Variants in PHLPP2 observed in about 807,000 individuals in gnomAD.
PHLPP2 encodes PH domain and leucine rich repeat protein phosphatase 2, also known as PH domain leucine-rich repeat-containing protein phosphatase 2.
Under a neutral mutation model 124.9 loss-of-function variants are expected in PHLPP2, and 66 were observed. That is an observed-to-expected ratio of 0.53 (90% CI 0.43 to 0.65). The LOEUF is 0.65. Among genes scored for constraint, PHLPP2 ranks in the 30% least tolerant of loss-of-function variants. PHLPP2 has a pLI of 0.00. For missense variants in PHLPP2, 1,685 were observed against 1,600.4 expected (o/e 1.05, Z -0.90); for synonymous variants, 681 against 624.7 (o/e 1.09, Z -1.34).
chr16:71,681,917 CAA>C lies in PHLPP2; in HGVS notation c.736-14_736-13del. 3 of 1,585,226 alleles carry C rather than the reference CAA, an allele frequency of 1.9e-6. No homozygotes were observed. The highest frequency in any genetic ancestry group is 2.3e-5 in the East Asian group (1 of 43,270). On this transcript the variant is annotated splice_polypyrimidine_tract_variant and intron_variant, in intron 5 of 18. Coordinates refer to ENST00000568954, the MANE Select transcript of PHLPP2 (RefSeq NM_015020.3). ...CGCTGGGACACCACCTGAATAATGT[CAA>C]AGAGAAGAGCCTTCTGAGCTAGTAC...
chr16:71,697,330 C>A (rs781593426), intron 3 of PHLPP2, among the ~76,000 whole-genome samples: 4 of 152,106 alleles, frequency 2.6e-5, no homozygotes, highest in Admixed American at 2.0e-4. Flanking sequence ...GAAGCACACA[C>A]TGGGGGTTTT....
intron 2 of PHLPP2, 139 bp downstream of exon 2, chr16:71,714,373 A>G: frequency 1.7e-6 from 2 of 1,152,082 alleles, no homozygotes; most frequent in Non-Finnish European, 2.3e-6. Flanking sequence ...TCAGCCTTCC[A>G]AGGACAAATC....
intron 1 of PHLPP2, chr16:71,715,188 C>T (rs2045353861): frequency 5.4e-6 from 1 of 185,014 alleles, no homozygotes. Flanking sequence ...CCCATCTCTA[C>T]AAAAGAAATT....
At chr16:71,680,478 T>C (rs530793420) in intron 6 of PHLPP2, among the ~76,000 whole-genome samples, 1 of 152,220 alleles carries the variant, frequency 6.6e-6, no homozygotes, top group African/African-American at 2.4e-5. Context: ...TACCCAGAGA[T>C]AGCATTGTTA....
Position 71,667,257 on chromosome 16 carries a change from G to C in PHLPP2, c.1705C>G (p.His569Asp), listed in dbSNP as rs557353826. The change falls in exon 12 of 19, where the codon CAC becomes GAC. Residue 569 changes from histidine (H) to aspartate (D), a missense_variant. Transcript: ENST00000568954. ...AGATCCAGCACCTCGAGGGGGATGT[G>C]CTCTACCAGTGTTGGAAGGTTTTGC... is the stretch of plus-strand genomic sequence containing the variant. ...HVQNLPTLVE[H>D]IPLEVLDLQH... 11 of 1,613,748 alleles carry C rather than the reference G, an allele frequency of 6.8e-6. No homozygotes were observed. Among genetic ancestry groups the C allele is most frequent in the Non-Finnish European group, 9.3e-6 (11 of 1,179,732 alleles).
At chr16:71,699,645 A>T (rs1306999315) in intron 3 of PHLPP2, among the ~76,000 whole-genome samples, 1 of 152,198 alleles carries the variant, frequency 6.6e-6, no homozygotes, top group East Asian at 1.9e-4. Flanking sequence ...AAGTGCCGGT[A>T]TTCAAAAAGG....
At position 71,681,908 on chromosome 16, in the gene PHLPP2, G is replaced by C; in HGVS notation, c.736-3C>G. Reference sequence around the variant, plus strand: ...GTACTGATTCGCTGGGACACCACCTGAATAATGTCAAAGAGAAGAGCCTTC... The same window carrying C: ...GTACTGATTCGCTGGGACACCACCTCAATAATGTCAAAGAGAAGAGCCTTC... On this transcript the variant is annotated splice_polypyrimidine_tract_variant and splice_region_variant and intron_variant, in intron 5 of 18. Transcript: ENST00000568954. The C allele has an allele frequency of 6.3e-7, 1 of 1,596,006 alleles. No individual in the cohort carries two copies. Among genetic ancestry groups the C allele is most frequent in the South Asian group, 1.1e-5 (1 of 88,098 alleles).
At chr16:71,723,838 G>T in intron 1 of PHLPP2, 1 of 1,235,352 alleles carries the variant, frequency 8.1e-7, no homozygotes, top group Non-Finnish European at 1.0e-6. Flanking sequence ...GCTCCAGCGG[G>T]CCCGCGGGCC....
chr16:71,702,871 G>A, intron 2 of PHLPP2, 140 bp from the exon 3 acceptor site: 1 of 545,754 alleles, frequency 1.8e-6, no homozygotes, highest in Non-Finnish European at 3.2e-6. Flanking sequence ...TAGTAGTGAA[G>A]TCTGGGCTTT....
chr16:71,663,724 A>G (rs1440909954), intron 13 of PHLPP2, among the ~76,000 whole-genome samples, 175 bp downstream of exon 13: 4 of 152,206 alleles, frequency 2.6e-5, no homozygotes, highest in Admixed American at 2.6e-4. Flanking sequence ...GGTTACCAAT[A>G]CTTAACAGGG....
At position 71,649,951 on chromosome 16, in the gene PHLPP2, T is replaced by C. The variant is rs765481727; in HGVS notation, c.2911A>G (p.Thr971Ala). 1.9e-6 allele frequency: 3 copies of C among 1,613,846 alleles called. No individual in the cohort carries two copies. The highest frequency in any genetic ancestry group is 2.7e-5 in the African/African-American group (2 of 74,860). The change falls in exon 19 of 19, where the codon ACT (threonine) becomes GCT (alanine). Residue 971 changes from threonine (T) to alanine (A), a missense_variant. Coordinates refer to ENST00000568954, the MANE Select transcript of PHLPP2 (RefSeq NM_015020.3). Reference protein sequence around the residue: ...WILPKPHISSTPLTIQDELLI... With the variant: ...WILPKPHISSAPLTIQDELLI... ...AACTCATCTTGAATGGTCAGCGGAG[T>C]GGAAGATATGTGGGGCTTGGGGAGG...
At chr16:71,714,971 T>C in intron 1 of PHLPP2, 170 bp from the exon 2 acceptor site, 3 of 779,516 alleles carry the variant, frequency 3.8e-6, no homozygotes, top group Admixed American at 3.1e-5. Flanking sequence ...ATAACTCAGA[T>C]AACTTAATTT....
intron 6 of PHLPP2, among the ~76,000 whole-genome samples, chr16:71,681,274 G>GTA (rs2044994814): frequency 6.6e-6 from 1 of 152,184 alleles, no homozygotes; most frequent in Admixed American, 6.5e-5. Context: ...GTAGGTCATA[G>GTA]TACTGTAGGG....
Position 71,647,359 on chromosome 16 carries a change from CTTATG to C in PHLPP2, c.*1526_*1530del, listed in dbSNP as rs3841347. The C allele has an allele frequency of 0.45, 68,886 of 151,966 alleles. 16,074 individuals carry two copies. The highest frequency in any genetic ancestry group is 0.63 in the South Asian group (3,038 of 4,816). 9.4% of individuals were successfully genotyped at this position (151,966 alleles called of 1,614,324 possible). On this transcript the variant is annotated 3_prime_UTR_variant, in exon 19 of 19. Transcript: ENST00000568954. ...AAGAATTTCTCAATGAAGTGTCTTT[CTTATG>C]TTAGTATTGAGCCCAGTATTCTGAA...
rs1173480664 is a variant in PHLPP2 at position 71,648,029 on chromosome 16, C to T, written c.*861G>A. 1.3e-5 allele frequency: 2 copies of T among 152,632 alleles called. No individual in the cohort carries two copies. Among genetic ancestry groups the T allele is most frequent in the Non-Finnish European group, 2.9e-5 (2 of 68,050 alleles). 9.5% of individuals were successfully genotyped at this position (152,632 alleles called of 1,614,324 possible). A position where few individuals can be genotyped will look rare whatever the true frequency, so the allele number is the denominator to read the frequency against. On this transcript the variant is annotated 3_prime_UTR_variant, in exon 19 of 19. Transcript: ENST00000568954. ...AATGAAAAGTGCTCTCATTACATTA[C>T]ATACATAAATTATCTGTTTGATTGG...
chr16:71,707,198 G>GCC lies in PHLPP2; in HGVS notation c.285-4469_285-4468dup, dbSNP rs1450005221. On this transcript the variant is annotated intron_variant, in intron 2 of 18. Transcript: ENST00000568954. ...TCTCGATCTCCTGACCTCGTGATCC[G>GCC]CCCGCCTCGGCCTCCCAAAGTGCTG... 2.6e-5 allele frequency among the ~76,000 whole-genome samples: 4 copies of GCC among 151,638 alleles called. No individual in the cohort carries two copies. The East Asian group carries it at 5.8e-4, about 22-fold the overall frequency.
intron 2 of PHLPP2, among the ~76,000 whole-genome samples, chr16:71,709,107 C>T (rs2045306257): frequency 6.6e-6 from 1 of 151,966 alleles, no homozygotes; most frequent in Non-Finnish European, 1.5e-5. Flanking sequence ...AAATTATTTA[C>T]CTATATTCCA....
chr16:71,649,824 A>G lies in PHLPP2; in HGVS notation c.3038T>C (p.Leu1013Pro), dbSNP rs1187557411. The G allele has an allele frequency of 6.2e-7, 1 of 1,614,140 alleles. No individual in the cohort carries two copies. Among genetic ancestry groups the G allele is most frequent in the Non-Finnish European group, 8.5e-7 (1 of 1,179,940 alleles). Residue 1013 changes from leucine (L) to proline (P), a missense_variant, in exon 19 of 19, where the codon CTG becomes CCG. Coordinates refer to ENST00000568954, the MANE Select transcript of PHLPP2 (RefSeq NM_015020.3). Reference protein sequence around the residue: ...VQDPLAAAKKLCTLAQSYGCQ... With the variant: ...VQDPLAAAKKPCTLAQSYGCQ... ...GCCATAGCTCTGCGCTAATGTGCAC[A>G]GCTTCTTAGCAGCTGCTAATGGGTC...
At chr16:71,723,954 C>T (rs1346156774) in intron 1 of PHLPP2, 8 of 350,862 alleles carry the variant, frequency 2.3e-5, no homozygotes, top group Middle Eastern at 1.4e-3. Flanking sequence ...GTGGCCCCGC[C>T]CCCCGCGGCC....
Sources: allele counts gnomAD v4.1 joint callset (sites outside exome capture counted in the v4.1 genomes callset), GRCh38; gene constraint gnomAD v4.1.1; transcripts MANE v1.5; gene names NCBI Gene and HGNC (gene_info 2026-07-23, HGNC 2026-07-21).